CNBD1: variants seen among roughly 807,000 people sequenced by gnomAD.
CNBD1 encodes the protein cyclic nucleotide binding domain containing 1, also known as cyclic nucleotide-binding domain-containing protein 1.
CNBD1 carries 71 observed loss-of-function variants against 54.4 expected under a neutral mutation model. That is an observed-to-expected ratio of 1.30 (90% CI 1.08 to 1.59). The LOEUF is 1.59. CNBD1 is among the 40% of genes most tolerant of loss of function. CNBD1 has a pLI of 0.00. For synonymous variants in CNBD1, 182 were observed against 170.7 expected (o/e 1.07, Z -0.51); for missense variants, 659 against 518.0 (o/e 1.27, Z -2.64).
chr8:87,373,727 C>T (rs1345194238), intron 10 of CNBD1, among the ~76,000 whole-genome samples: 1 of 151,670 alleles, frequency 6.6e-6, no homozygotes, highest in Non-Finnish European at 1.5e-5. Context: ...CAATATTAGT[C>T]AGATATCAAG....
intron 4 of CNBD1, among the ~76,000 whole-genome samples, chr8:86,964,456 A>G (rs560809491): frequency 6.6e-6 from 1 of 152,334 alleles, no homozygotes; most frequent in African/African-American, 2.4e-5. Flanking sequence ...GCTTTTCAGC[A>G]GTGGTCAGGG....
At chr8:87,228,385 G>GTGATATCTTTTTGATAATCTAC (rs1814564188) in intron 5 of CNBD1, among the ~76,000 whole-genome samples, 1 of 148,760 alleles carries the variant, frequency 6.7e-6, no homozygotes. Flanking sequence ...TCTACTTTTG[G>GTGATATCTTTTTGATAATCTAC]TCTTTGATGA....
intron 4 of CNBD1, among the ~76,000 whole-genome samples, chr8:86,970,534 A>C (rs1808196022): frequency 6.6e-6 from 1 of 151,402 alleles, no homozygotes; most frequent in Non-Finnish European, 1.5e-5. Flanking sequence ...CTGAAGTTTC[A>C]GGTATGAATG....
At chr8:87,225,608 T>C (rs2130813743) in intron 5 of CNBD1, among the ~76,000 whole-genome samples, 1 of 152,304 alleles carries the variant, frequency 6.6e-6, no homozygotes, top group Admixed American at 6.5e-5. Context: ...TCATGGTGGA[T>C]AAGCTTTTTG....
intron 4 of CNBD1, among the ~76,000 whole-genome samples, chr8:87,031,761 G>A (rs1296961697): frequency 6.6e-6 from 1 of 151,958 alleles, no homozygotes; most frequent in Non-Finnish European, 1.5e-5. Flanking sequence ...TTATTTTTGA[G>A]ATGGAGTCTC....
intron 10 of CNBD1, among the ~76,000 whole-genome samples, chr8:87,377,110 A>C (rs1023389978): frequency 7.2e-6 from 1 of 139,328 alleles, no homozygotes; most frequent in Admixed American, 7.3e-5. Context: ...TTTTTCGCAG[A>C]TAATTTTTGT....
intron 10 of CNBD1, among the ~76,000 whole-genome samples, chr8:87,355,549 A>G (rs1055776328): frequency 6.6e-6 from 1 of 152,160 alleles, no homozygotes; most frequent in Admixed American, 6.5e-5. Flanking sequence ...TGGAAATACA[A>G]TTGAGTATGA....
intron 5 of CNBD1, among the ~76,000 whole-genome samples, chr8:87,223,565 A>G (rs1586341370): frequency 1.3e-5 from 2 of 152,330 alleles, no homozygotes; most frequent in African/African-American, 4.8e-5. Flanking sequence ...TACAAAGGAC[A>G]TGAACTCATC....
At chr8:87,412,307 A>G (rs549006866) in intron 2 of CNBD1, among the ~76,000 whole-genome samples, 20 of 152,250 alleles carry the variant, frequency 1.3e-4, no homozygotes, top group Admixed American at 1.1e-3. Context: ...AGATGAAATG[A>G]CATCTGTACT....
chr8:86,911,473 T>A (rs1388262735), intron 3 of CNBD1, among the ~76,000 whole-genome samples: 1 of 152,228 alleles, frequency 6.6e-6, no homozygotes, highest in African/African-American at 2.4e-5. Context: ...TTTTTATTGA[T>A]ACATAGTAGA....
chr8:86,925,517 G>A (rs986867840), intron 3 of CNBD1, among the ~76,000 whole-genome samples: 21 of 140,734 alleles, frequency 1.5e-4, no homozygotes, highest in African/African-American at 5.4e-4. Flanking sequence ...GTGTGTGTGT[G>A]TGTGTGTGTC....
chr8:86,993,374 G>A (rs1467895021), intron 4 of CNBD1, among the ~76,000 whole-genome samples: 1 of 151,900 alleles, frequency 6.6e-6, no homozygotes, highest in Non-Finnish European at 1.5e-5. Flanking sequence ...TGTTTTACTA[G>A]AGTCCTGGGA....
chr8:87,358,754 C>T (rs1810470750), intron 10 of CNBD1, among the ~76,000 whole-genome samples: 1 of 152,056 alleles, frequency 6.6e-6, no homozygotes, highest in African/African-American at 2.4e-5. Context: ...GTGTAACTCC[C>T]AGTGTGAGGC....
chr8:87,404,681 G>T (rs939920346), intron 2 of CNBD1, among the ~76,000 whole-genome samples: 1 of 151,926 alleles, frequency 6.6e-6, no homozygotes, highest in East Asian at 1.9e-4. Context: ...GTTTAAATTT[G>T]GGTTTAGCTG....
intron 8 of CNBD1, among the ~76,000 whole-genome samples, chr8:87,290,378 T>C (rs987287419): frequency 6.6e-6 from 1 of 152,106 alleles, no homozygotes; most frequent in Admixed American, 6.6e-5. Context: ...TCAATATCAG[T>C]TTTCTCCCAC....
chr8:87,264,727 AT>A (rs1808212711), intron 6 of CNBD1, among the ~76,000 whole-genome samples: 2 of 151,950 alleles, frequency 1.3e-5, no homozygotes, highest in Admixed American at 6.6e-5. Flanking sequence ...TGTGGTTTTG[AT>A]TTTCATTCCT....
intron 10 of CNBD1, among the ~76,000 whole-genome samples, chr8:87,366,251 C>G (rs539575972): frequency 6.6e-6 from 1 of 152,162 alleles, no homozygotes; most frequent in East Asian, 1.9e-4. Flanking sequence ...GTTGGCCAAG[C>G]TGTGATCTAA....
At chr8:87,096,795 T>C (rs2130687557) in intron 4 of CNBD1, among the ~76,000 whole-genome samples, 1 of 148,656 alleles carries the variant, frequency 6.7e-6, no homozygotes, top group South Asian at 2.1e-4. Context: ...CTCTGCTCAT[T>C]TTTCTTCCCT....
chr8:87,002,053 ATAGAAATGTTATTTAC>A (rs1232008841), intron 4 of CNBD1, among the ~76,000 whole-genome samples: 1 of 152,192 alleles, frequency 6.6e-6, no homozygotes. Context: ...GTACTTTTCT[ATAGAAATGTTATTTAC>A]TTTAATGGAA....
Sources: gnomAD v4.1 joint callset for allele counts (sites outside exome capture counted in the v4.1 genomes callset) on GRCh38, gnomAD v4.1.1 for gene constraint, MANE v1.5 for transcripts, NCBI Gene and HGNC (gene_info 2026-07-23, HGNC 2026-07-21) for gene names.